The following TAX1BP1 variants were observed in gnomAD, a reference collection of about 807,000 sequenced individuals.
The protein encoded by TAX1BP1 is Tax1 binding protein 1, also known as tax1-binding protein 1.
A neutral mutation model predicts 97.7 loss-of-function variants in TAX1BP1; 62 were observed. The ratio of observed to expected loss-of-function variants is 0.63; its 90% confidence interval spans 0.52 to 0.78. The LOEUF is 0.78. Ranked by LOEUF, TAX1BP1 falls within the 30% of genes least tolerant of loss-of-function variation. The probability of loss-of-function intolerance (pLI) is 0.00; values close to 1 mark genes in which losing one functional copy is unlikely to be tolerated. For missense variants in TAX1BP1, 867 were observed against 916.1 expected (o/e 0.95, Z 0.69); for synonymous variants, 340 against 304.2 (o/e 1.12, Z -1.23).
intron 12 of TAX1BP1, among the ~76,000 whole-genome samples, chr7:27,799,382 A>G (rs551562195): frequency 6.6e-6 from 1 of 152,306 alleles, no homozygotes; most frequent in Admixed American, 6.5e-5. Context: ...GAGAAGAGCA[A>G]TGTATAAGAA....
intron 6 of TAX1BP1, 38 bp downstream of exon 6, chr7:27,785,349 A>T: frequency 6.3e-7 from 1 of 1,589,378 alleles, no homozygotes; most frequent in East Asian, 2.2e-5. Flanking sequence ...TTCAATAAAA[A>T]TTTTAAAACT....
intron 13 of TAX1BP1, among the ~76,000 whole-genome samples, chr7:27,816,003 C>T (rs1411532368): frequency 1.3e-5 from 2 of 152,158 alleles, no homozygotes; most frequent in Non-Finnish European, 2.9e-5. Flanking sequence ...CATTGCACCC[C>T]AGCCTGGGTG....
chr7:27,761,388 T>C (rs908035566), intron 3 of TAX1BP1, among the ~76,000 whole-genome samples: 5 of 152,156 alleles, frequency 3.3e-5, no homozygotes, highest in African/African-American at 1.2e-4. Flanking sequence ...GTAAATTCTG[T>C]TGATTTTGAT....
chr7:27,783,204 T>C (rs535530230), intron 5 of TAX1BP1, among the ~76,000 whole-genome samples: 2 of 152,340 alleles, frequency 1.3e-5, no homozygotes, highest in Non-Finnish European at 2.9e-5. Flanking sequence ...TGTTTTAATA[T>C]TAGAATTATG....
At chr7:27,777,632 G>C (rs1349361197) in intron 5 of TAX1BP1, among the ~76,000 whole-genome samples, 1 of 152,100 alleles carries the variant, frequency 6.6e-6, no homozygotes, top group African/African-American at 2.4e-5. Context: ...CAGATCTCTC[G>C]AGTTCTTTTT....
chr7:27,820,330 T>A (rs566572439), intron 15 of TAX1BP1, among the ~76,000 whole-genome samples: 2 of 152,180 alleles, frequency 1.3e-5, no homozygotes, highest in Non-Finnish European at 2.9e-5. Flanking sequence ...ACATTTTTTG[T>A]TGATAGACAA....
intron 3 of TAX1BP1, among the ~76,000 whole-genome samples, chr7:27,764,615 G>T (rs1788550735): frequency 6.6e-6 from 1 of 151,970 alleles, no homozygotes; most frequent in East Asian, 1.9e-4. Context: ...ATATTATGAG[G>T]GAGCTACTTT....
At chr7:27,789,210 T>C (rs543258842) in intron 8 of TAX1BP1, among the ~76,000 whole-genome samples, 120 of 152,200 alleles carry the variant, frequency 7.9e-4, no homozygotes, top group African/African-American at 2.7e-3. Context: ...GTTCAAAAGT[T>C]ACTTGAACTA....
At chr7:27,766,379 C>T (rs1458694540) in intron 4 of TAX1BP1, among the ~76,000 whole-genome samples, 4 of 122,348 alleles carry the variant, frequency 3.3e-5, no homozygotes, top group African/African-American at 1.3e-4. Flanking sequence ...AAGATCGTGC[C>T]ACTGCACTCC....
In TAX1BP1 at chr7:27,785,394, CTT is replaced by C; in HGVS notation, c.762-4_762-3del. 6.2e-7 allele frequency: 1 copy of C among 1,608,318 alleles called. No individual in the cohort carries two copies. The highest frequency in any genetic ancestry group is 2.2e-5 in the East Asian group (1 of 44,810). On this transcript the variant is annotated splice_region_variant and splice_polypyrimidine_tract_variant and intron_variant, in intron 6 of 16. Coordinates refer to ENST00000396319, the MANE Select transcript of TAX1BP1 (RefSeq NM_006024.7). The stretch of plus-strand genomic sequence containing the variant: ...TATAATGTTACTTTATCATACCTAT[CTT>C]AGTTTAAAGGACAAACTCAAGAAGG...
At chr7:27,746,985 T>C (rs73295514) in intron 1 of TAX1BP1, among the ~76,000 whole-genome samples, 1,639 of 152,322 alleles carry the variant, frequency 0.011, 18 homozygotes, top group African/African-American at 0.033. Context: ...AAAAGCACAC[T>C]GTTTTAGATC....
At chr7:27,822,462 T>A (rs1451424508) in intron 15 of TAX1BP1, among the ~76,000 whole-genome samples, 1 of 152,216 alleles carries the variant, frequency 6.6e-6, no homozygotes, top group Non-Finnish European at 1.5e-5. Context: ...CCGATTGTTT[T>A]CCCCAGTGGC....
At chr7:27,760,662 G>A (rs554668898) in intron 3 of TAX1BP1, among the ~76,000 whole-genome samples, 11 of 152,244 alleles carry the variant, frequency 7.2e-5, no homozygotes, top group Admixed American at 6.5e-4. Flanking sequence ...CCAAAGTGTT[G>A]GAATTACAGG....
At chr7:27,795,101 G>GA (rs1166521314) in intron 11 of TAX1BP1, among the ~76,000 whole-genome samples, 1 of 152,140 alleles carries the variant, frequency 6.6e-6, no homozygotes, top group Non-Finnish European at 1.5e-5. Flanking sequence ...AAATACTAGA[G>GA]AAAGTATATT....
At chr7:27,769,221 T>C (rs751490054) in intron 4 of TAX1BP1, among the ~76,000 whole-genome samples, 6 of 151,920 alleles carry the variant, frequency 3.9e-5, no homozygotes, top group Non-Finnish European at 8.8e-5. Context: ...CTTTTAGTAG[T>C]AATTCCATAG....
intron 13 of TAX1BP1, among the ~76,000 whole-genome samples, chr7:27,815,846 C>G (rs1453708675): frequency 6.6e-6 from 1 of 151,950 alleles, no homozygotes; most frequent in African/African-American, 2.4e-5. Flanking sequence ...CCAGCCTGAC[C>G]AACATGGTGA....
At chr7:27,766,419 C>CAA (rs201297532) in intron 4 of TAX1BP1, among the ~76,000 whole-genome samples, 1 of 76,886 alleles carries the variant, frequency 1.3e-5, no homozygotes, top group African/African-American at 6.1e-5. Context: ...GACTCCGTAT[C>CAA]AAAAAAAAAA....
At chr7:27,751,554 A>G (rs1278123494) in intron 2 of TAX1BP1, among the ~76,000 whole-genome samples, 1 of 152,114 alleles carries the variant, frequency 6.6e-6, no homozygotes, top group Admixed American at 6.5e-5. Flanking sequence ...ATCTCTACCT[A>G]TCTTTATTTT....
At chr7:27,827,015 G>A (rs1791200293) in intron 15 of TAX1BP1, among the ~76,000 whole-genome samples, 1 of 152,168 alleles carries the variant, frequency 6.6e-6, no homozygotes, top group Non-Finnish European at 1.5e-5. Context: ...TAAGCTTACA[G>A]TTATTAAATG....
Sources: allele counts gnomAD v4.1 joint callset (sites outside exome capture counted in the v4.1 genomes callset), GRCh38; gene constraint gnomAD v4.1.1; transcripts MANE v1.5; gene names NCBI Gene and HGNC (gene_info 2026-07-23, HGNC 2026-07-21).